The following SLCO3A1 variants were observed in gnomAD, a reference collection of about 807,000 sequenced individuals.
SLCO3A1 encodes solute carrier organic anion transporter family member 3A1, also known as PGE1 transporter.
In SLCO3A1, 27 loss-of-function variants were observed where a neutral mutation model predicts 63.1. That is an observed-to-expected ratio of 0.43 (90% CI 0.32 to 0.59). SLCO3A1 has a LOEUF of 0.59. SLCO3A1 is among the 20% of genes least tolerant of loss of function. SLCO3A1 has a pLI of 0.09. For missense variants in SLCO3A1, 773 were observed against 945.8 expected, an observed-to-expected ratio of 0.82 and a Z score of 2.40; for synonymous variants, 473 against 409.9, an observed-to-expected ratio of 1.15 and a Z score of -1.86.
intron 1 of SLCO3A1, among the ~76,000 whole-genome samples, chr15:91,891,793 G>T (rs11854101): frequency 0.031 from 4,735 of 152,218 alleles, 252 homozygotes; most frequent in African/African-American, 0.11. Context: ...CTGCATCAGG[G>T]TTTGGGAAAC....
chr15:91,854,647 G>A lies in SLCO3A1; in HGVS notation c.180+559G>A, dbSNP rs1896867231. Among the ~76,000 whole-genome samples the A allele has an allele frequency of 6.6e-6, 1 of 152,172 alleles. No homozygotes were observed. Among genetic ancestry groups the A allele is most frequent in the Non-Finnish European group, 1.5e-5 (1 of 68,030 alleles). ...TAGTGTGGCCCTGGCCTGAGCCGGG[G>A]CTGCAGGGGGAATATTGCCACCCGG... is the stretch of plus-strand genomic sequence containing the variant. On this transcript the variant is annotated intron_variant, in intron 1 of 9. Transcript: ENST00000318445. This position sits in a 1 kb window ranked among gnomAD's most constrained non-coding sequence, Gnocchi z 6.4.
intron 1 of SLCO3A1, among the ~76,000 whole-genome samples, chr15:91,907,154 T>A (rs946319729): frequency 6.6e-6 from 1 of 152,092 alleles, no homozygotes; most frequent in Non-Finnish European, 1.5e-5. Flanking sequence ...TAGAGAAAAA[T>A]GCAGGCGATG....
intron 2 of SLCO3A1, among the ~76,000 whole-genome samples, chr15:91,984,230 G>A (rs1300070333): frequency 1.3e-5 from 2 of 152,172 alleles, no homozygotes; most frequent in Non-Finnish European, 1.5e-5. Context: ...AACTCAGTGC[G>A]ATGACATAAA....
chr15:92,004,563 C>CA (rs1201554086), intron 2 of SLCO3A1, among the ~76,000 whole-genome samples: 8 of 152,262 alleles, frequency 5.3e-5, no homozygotes, highest in African/African-American at 1.7e-4. Context: ...ATTTTATTGA[C>CA]AAACAGAACA....
intron 2 of SLCO3A1, among the ~76,000 whole-genome samples, chr15:92,034,754 C>T (rs62008568): frequency 0.27 from 40,601 of 151,618 alleles, 5,952 homozygotes; most frequent in East Asian, 0.39. Context: ...GCCTCGTTCC[C>T]ATGTCCCCTC....
intron 1 of SLCO3A1, among the ~76,000 whole-genome samples, chr15:91,904,411 G>A (rs538565869): frequency 6.6e-6 from 1 of 150,634 alleles, no homozygotes; most frequent in Non-Finnish European, 1.5e-5. Flanking sequence ...GCCATTTGCA[G>A]GTGCGTGATA....
At chr15:92,118,633 C>T (rs942087987) in intron 4 of SLCO3A1, among the ~76,000 whole-genome samples, 3 of 152,128 alleles carry the variant, frequency 2.0e-5, no homozygotes, top group African/African-American at 7.2e-5. Context: ...ATAATTAGCT[C>T]TCTTCTTTAG....
chr15:92,046,056 C>G (rs2046858157), intron 2 of SLCO3A1, among the ~76,000 whole-genome samples: 1 of 152,104 alleles, frequency 6.6e-6, no homozygotes, highest in Non-Finnish European at 1.5e-5. Flanking sequence ...GTTATAAGAT[C>G]CTCCTAGGTG....
chr15:92,037,453 C>T (rs2046742395), intron 2 of SLCO3A1, among the ~76,000 whole-genome samples: 1 of 152,152 alleles, frequency 6.6e-6, no homozygotes, highest in African/African-American at 2.4e-5. Flanking sequence ...TAATGAAAAG[C>T]CCAGTGCAAA....
At chr15:92,168,586 T>G (rs982626559), downstream of SLCO3A1, among the ~76,000 whole-genome samples, 2 of 152,190 alleles carry the variant, frequency 1.3e-5, no homozygotes, top group African/African-American at 4.8e-5. Context: ...CACTGCATGT[T>G]TGGGGGACCC....
Position 91,968,237 on chromosome 15 carries a change from C to T in SLCO3A1, c.646+51779C>T, listed in dbSNP as rs1900730138. Among the ~76,000 whole-genome samples the T allele has an allele frequency of 6.6e-6, 1 of 152,250 alleles. No homozygotes were observed. The highest frequency in any genetic ancestry group is 2.4e-5 in the African/African-American group (1 of 41,542). Reference sequence around the variant, plus strand: ...GAGACTGGAAAAGTCTGTATGCCCCCTCCCTACCTTACAGTCTTTTACTTC... The same window carrying T: ...GAGACTGGAAAAGTCTGTATGCCCCTTCCCTACCTTACAGTCTTTTACTTC... On this transcript the variant is annotated intron_variant, in intron 2 of 9. Coordinates refer to ENST00000318445, the MANE Select transcript of SLCO3A1 (RefSeq NM_013272.4). This position sits in a 1 kb window ranked among gnomAD's most constrained non-coding sequence, Gnocchi z 4.2.
intron 3 of SLCO3A1, among the ~76,000 whole-genome samples, chr15:92,103,137 G>A (rs2047626510): frequency 6.6e-6 from 1 of 152,136 alleles, no homozygotes; most frequent in Non-Finnish European, 1.5e-5. Flanking sequence ...TGTTCATCTG[G>A]TGTGTGCGGT....
At chr15:92,091,304 C>T (rs909973472) in intron 2 of SLCO3A1, among the ~76,000 whole-genome samples, 12 of 152,196 alleles carry the variant, frequency 7.9e-5, no homozygotes, top group African/African-American at 2.9e-4. Context: ...ATACATGAAC[C>T]TGGAAGACAG....
chr15:92,041,108 C>T (rs928343076), intron 2 of SLCO3A1, among the ~76,000 whole-genome samples: 4 of 152,098 alleles, frequency 2.6e-5, no homozygotes, highest in African/African-American at 4.8e-5. Flanking sequence ...GTCTAGTCTA[C>T]AGGAAGCCTC....
At chr15:92,117,224 T>C (rs928198565) in intron 4 of SLCO3A1, among the ~76,000 whole-genome samples, 9 of 152,182 alleles carry the variant, frequency 5.9e-5, no homozygotes, top group Non-Finnish European at 7.3e-5. Context: ...AGGACCTAAA[T>C]AGATAATGTG....
chr15:91,976,074 A>T (rs1013540717), intron 2 of SLCO3A1, among the ~76,000 whole-genome samples: 1 of 152,246 alleles, frequency 6.6e-6, no homozygotes, highest in African/African-American at 2.4e-5. Flanking sequence ...AATGATGGAC[A>T]TTCAAAATAA....
intron 2 of SLCO3A1, among the ~76,000 whole-genome samples, chr15:92,091,361 G>T (rs374388678): frequency 4.6e-5 from 7 of 152,282 alleles, no homozygotes; most frequent in African/African-American, 1.2e-4. Context: ...ACCTGGAGGC[G>T]CTGGCCCTTC....
At chr15:91,905,308 G>A (rs749494655) in intron 1 of SLCO3A1, among the ~76,000 whole-genome samples, 27 of 152,102 alleles carry the variant, frequency 1.8e-4, no homozygotes, top group Non-Finnish European at 3.8e-4. Context: ...CTATCCCTTG[G>A]GATCTGTGGG....
At chr15:92,157,668 G>A (rs2048389153) in intron 9 of SLCO3A1, among the ~76,000 whole-genome samples, 1 of 152,034 alleles carries the variant, frequency 6.6e-6, no homozygotes, top group African/African-American at 2.4e-5. Context: ...CTGAATCACA[G>A]CTTGAAAGGT....
Sources: allele counts gnomAD v4.1 joint callset (sites outside exome capture counted in the v4.1 genomes callset), GRCh38; gene constraint gnomAD v4.1.1; non-coding constraint Gnocchi (gnomAD v3.1); transcripts MANE v1.5; gene names NCBI Gene and HGNC (gene_info 2026-07-23, HGNC 2026-07-21).